Variants in ZNF462 observed in about 807,000 individuals in gnomAD.
ZNF462 encodes zinc finger protein 462, also known as zinc finger PBX1-interacting protein.
In ZNF462, 10 loss-of-function variants were observed where a neutral mutation model predicts 201.9. The ratio of observed to expected loss-of-function variants is 0.05; its 90% CI spans 0.03 to 0.08. The LOEUF (loss-of-function observed/expected upper bound fraction) is 0.08, where lower values mean the gene tolerates loss of function less well. Ranked by LOEUF, ZNF462 falls within the 10% of genes least tolerant of loss-of-function variation. The pLI, the probability that ZNF462 is intolerant of heterozygous loss-of-function variation, is 1.00. For synonymous variants in ZNF462, 1,227 were observed against 1,193.3 expected, an observed-to-expected ratio of 1.03 and a Z score of -0.58; for missense variants, 2,523 against 3,168.3, an observed-to-expected ratio of 0.80 and a Z score of 4.89.
chr9:106,990,240 T>G (rs1828162994), intron 10 of ZNF462, among the ~76,000 whole-genome samples: 2 of 152,050 alleles, frequency 1.3e-5, no homozygotes, highest in African/African-American at 4.8e-5. Context: ...GAAGATTCCT[T>G]TTTAGAGTTG....
intron 9 of ZNF462, among the ~76,000 whole-genome samples, chr9:106,982,897 C>T (rs572965448): frequency 4.6e-5 from 7 of 152,250 alleles, no homozygotes; most frequent in African/African-American, 9.6e-5. Context: ...TGAGTCGCAT[C>T]GGTGTACAAC....
intron 10 of ZNF462, among the ~76,000 whole-genome samples, chr9:107,002,116 C>G (rs1829231021): frequency 6.6e-6 from 1 of 152,150 alleles, no homozygotes; most frequent in South Asian, 2.1e-4. Flanking sequence ...GTCCCAAAGA[C>G]TATTTTGGAA....
At chr9:106,953,904 C>G (rs1831465138) in intron 7 of ZNF462, among the ~76,000 whole-genome samples, 1 of 152,146 alleles carries the variant, frequency 6.6e-6, no homozygotes, top group Non-Finnish European at 1.5e-5. Flanking sequence ...TTGTTGGACC[C>G]ACGTTCCATC....
chr9:106,863,113 A>G (rs916829690), upstream of ZNF462: 11 of 296,334 alleles, frequency 3.7e-5, no homozygotes, highest in Non-Finnish European at 5.6e-5. Flanking sequence ...GGAGGGAGGG[A>G]GAGAGAGAGA....
chr9:106,952,719 A>G (rs1374505308), intron 7 of ZNF462, among the ~76,000 whole-genome samples: 1 of 152,246 alleles, frequency 6.6e-6, no homozygotes, highest in East Asian at 1.9e-4. Context: ...GATCATTTTT[A>G]ATTAATGATA....
rs768622356 is a variant in ZNF462, at chr9:106,924,824, C to T, written c.912C>T (p.Thr304=). ...CCACTTCCAACTCCACCTATCTGACCATGAATGCTGCAAGCCGGGAGATAC... is the reference window on the plus strand; with the variant it reads ...CCACTTCCAACTCCACCTATCTGACTATGAATGCTGCAAGCCGGGAGATAC... The part of the protein sequence containing the change: ...PSPTSNSTYL[T]MNAASREIPN... The change falls in exon 3 of 13, where the codon ACC becomes ACT. Residue 304 remains threonine, a synonymous_variant. Coordinates refer to ENST00000277225, the MANE Select transcript of ZNF462 (RefSeq NM_021224.6). This position sits in a 1 kb window ranked among gnomAD's most constrained non-coding sequence, Gnocchi z 6.2. The T allele has an allele frequency of 6.2e-7, 1 of 1,614,178 alleles. No individual in the cohort carries two copies. Among genetic ancestry groups the T allele is most frequent in the South Asian group, 1.1e-5 (1 of 91,076 alleles).
rs555188149 is a variant in ZNF462, at chr9:106,989,208, T to C, written c.7056+4799T>C. 4.6e-5 allele frequency among the ~76,000 whole-genome samples: 7 copies of C among 152,256 alleles called. No homozygotes were observed. In the South Asian group the frequency reaches 1.5e-3, roughly 32 times the overall value. On this transcript the variant is annotated intron_variant, in intron 10 of 12. Transcript: ENST00000277225. ...GTGGCTTTTATTACATTAAGGTATG[T>C]CCTTTGTATGCCAATTTTGCTGGGA...
At chr9:106,884,828 T>C (rs1828250400) in intron 1 of ZNF462, among the ~76,000 whole-genome samples, 1 of 152,198 alleles carries the variant, frequency 6.6e-6, no homozygotes, top group Non-Finnish European at 1.5e-5. Flanking sequence ...TTTGAAGCTG[T>C]TGCTTCTGAT....
intron 1 of ZNF462, among the ~76,000 whole-genome samples, chr9:106,918,777 T>G (rs1829879181): frequency 1.3e-5 from 2 of 152,218 alleles, no homozygotes; most frequent in African/African-American, 2.4e-5. Flanking sequence ...ATTTTTCTGT[T>G]TTTCTAGCTG....
chr9:106,967,153 G>A (rs1832111812), intron 7 of ZNF462, among the ~76,000 whole-genome samples: 2 of 152,018 alleles, frequency 1.3e-5, no homozygotes, highest in Non-Finnish European at 1.5e-5. Flanking sequence ...TTCAATCAGT[G>A]GAGTAAGTTT....
intron 7 of ZNF462, among the ~76,000 whole-genome samples, chr9:106,969,055 T>A (rs951130694): frequency 6.6e-6 from 1 of 152,190 alleles, no homozygotes; most frequent in African/African-American, 2.4e-5. Context: ...AATCCTACAT[T>A]ATTCACAAAT....
In ZNF462 at chr9:106,928,558, T is replaced by C. The variant is rs1830295629; in HGVS notation, c.4646T>C (p.Val1549Ala). 2 of 1,613,930 alleles carry C rather than the reference T, an allele frequency of 1.2e-6. No homozygotes were observed. Among genetic ancestry groups the C allele is most frequent in the Non-Finnish European group, 1.7e-6 (2 of 1,180,028 alleles). Reference sequence around the variant, plus strand: ...ATCAAGGTGACCGCTGAGGACTTTGTGCACGACGTAGAGCAGTCTGCTGAC... The same window carrying C: ...ATCAAGGTGACCGCTGAGGACTTTGCGCACGACGTAGAGCAGTCTGCTGAC... Reference protein sequence around the residue: ...PSIKVTAEDFVHDVEQSADIS... With the variant: ...PSIKVTAEDFAHDVEQSADIS... The change falls in exon 3 of 13, where the codon GTG (valine) becomes GCG (alanine). Residue 1549 changes from valine (V) to alanine (A), a missense_variant. Val to Ala is a moderately conservative substitution (Grantham distance 64). This residue lies in a region of ZNF462 where 200 missense variants were observed against 281.3 expected (regional missense o/e 0.71). Coordinates refer to ENST00000277225, the MANE Select transcript of ZNF462 (RefSeq NM_021224.6). This position sits in a 1 kb window ranked among gnomAD's most constrained non-coding sequence, Gnocchi z 9.3.
In ZNF462 at chr9:107,003,207, A is replaced by G; in HGVS notation, c.7057-87A>G. The G allele has an allele frequency of 1.3e-6, 2 of 1,542,066 alleles. No individual in the cohort carries two copies. Among genetic ancestry groups the G allele is most frequent in the Non-Finnish European group, 1.7e-6 (2 of 1,143,874 alleles). ...TGGTTGCAAAACCACAGTCACAGGA[A>G]AATGATGTTAGAAAGATCTCTCCAT... is the stretch of plus-strand genomic sequence containing the variant. On this transcript the variant is annotated intron_variant, in intron 10 of 12. Coordinates refer to ENST00000277225, the MANE Select transcript of ZNF462 (RefSeq NM_021224.6). This position sits in a 1 kb window ranked among gnomAD's most constrained non-coding sequence, Gnocchi z 4.4.
chr9:106,985,491 C>G (rs979059976), intron 10 of ZNF462, among the ~76,000 whole-genome samples: 3 of 152,152 alleles, frequency 2.0e-5, no homozygotes, highest in African/African-American at 7.2e-5. Context: ...TCTGGCATCT[C>G]ATGAACTGAG....
rs1211767745 is a variant in ZNF462, at chr9:106,883,487, C to T, written c.-31+20132C>T. On this transcript the variant is annotated intron_variant, in intron 1 of 12. Transcript: ENST00000277225. The surrounding 1 kb of genome is among the most constrained non-coding windows in gnomAD (Gnocchi z 4.9). ...TCCTCACATTTTATCCCAGTTCATT[C>T]TAAGGAGTTGCATTTTCCCCAGAAT... is the stretch of plus-strand genomic sequence containing the variant. 6.6e-6 allele frequency among the ~76,000 whole-genome samples: 1 copy of T among 152,140 alleles called. No homozygotes were observed. The highest frequency in any genetic ancestry group is 2.4e-5 in the African/African-American group (1 of 41,416).
chr9:106,976,780 C>A (rs756413857), intron 9 of ZNF462: 9 of 152,164 alleles, frequency 5.9e-5, no homozygotes, highest in African/African-American at 1.2e-4. Context: ...TACAGTATGT[C>A]ATTTTATAGA....
intron 7 of ZNF462, among the ~76,000 whole-genome samples, chr9:106,947,334 G>GC (rs1036763464): frequency 2.0e-4 from 31 of 152,256 alleles, no homozygotes; most frequent in Middle Eastern, 3.4e-3. Flanking sequence ...TAGATGACTC[G>GC]CACAGGTCAC....
At chr9:106,871,991 A>G (rs1827611804) in intron 1 of ZNF462, among the ~76,000 whole-genome samples, 1 of 152,206 alleles carries the variant, frequency 6.6e-6, no homozygotes, top group South Asian at 2.1e-4. Flanking sequence ...GACTTGAGCC[A>G]AGCGTCACAG....
At position 106,905,648 on chromosome 9, in the gene ZNF462, C is replaced by G. The variant is rs1437380684; in HGVS notation, c.-30-17706C>G. ...TTCCCAGGTCACTGGAGTTGTGTAC[C>G]TAGGAGGATTATGGCTGCCTCTGCT... On this transcript the variant is annotated intron_variant, in intron 1 of 12. Transcript: ENST00000277225. This position sits in a 1 kb window ranked among gnomAD's most constrained non-coding sequence, Gnocchi z 5.9. 1.3e-5 allele frequency among the ~76,000 whole-genome samples: 2 copies of G among 152,024 alleles called. No individual in the cohort carries two copies. The highest frequency in any genetic ancestry group is 4.8e-5 in the African/African-American group (2 of 41,382).
Sources: allele counts gnomAD v4.1 joint callset (sites outside exome capture counted in the v4.1 genomes callset), GRCh38; gene constraint gnomAD v4.1.1; regional missense constraint gnomAD v4.1.1; non-coding constraint Gnocchi (gnomAD v3.1); transcripts MANE v1.5; gene names NCBI Gene and HGNC (gene_info 2026-07-23, HGNC 2026-07-21).